SLK: variants seen among roughly 807,000 people sequenced by gnomAD.
SLK encodes the protein STE20-like serine/threonine-protein kinase.
SLK carries 67 observed loss-of-function variants against 147.7 expected under a neutral mutation model. The observed-to-expected ratio is 0.45, with a 90% CI of 0.37 to 0.56. The LOEUF (loss-of-function observed/expected upper bound fraction) is 0.56. Among genes scored for constraint, SLK ranks in the 20% least tolerant of loss-of-function variants. SLK has a pLI of 0.00. For missense variants in SLK, 1,136 were observed against 1,438.8 expected, an observed-to-expected ratio of 0.79 and a Z score of 3.41; for synonymous variants, 441 against 475.0, an observed-to-expected ratio of 0.93 and a Z score of 0.93.
chr10:104,014,827 A>C (rs1293750984), intron 13 of SLK, among the ~76,000 whole-genome samples: 1 of 152,162 alleles, frequency 6.6e-6, no homozygotes, highest in African/African-American at 2.4e-5. Flanking sequence ...TTACTTTAAA[A>C]AATGATTTTT....
At chr10:103,989,508 A>G (rs1052734577) in intron 1 of SLK, among the ~76,000 whole-genome samples, 12 of 119,858 alleles carry the variant, frequency 1.0e-4, no homozygotes, top group African/African-American at 4.1e-4. Context: ...TTGCTCTGTC[A>G]CCCAGACTGG....
At chr10:103,990,651 C>T (rs1411480952) in intron 1 of SLK, 24 bp from the exon 2 acceptor site, 3 of 1,450,150 alleles carry the variant, frequency 2.1e-6, no homozygotes, top group Non-Finnish European at 2.8e-6. Context: ...TGAAATGTGA[C>T]ACTTCTGATA....
At position 104,028,943 on chromosome 10, in the gene SLK, C is replaced by T. The variant is rs1844632383; in HGVS notation, c.*3223C>T. The T allele has an allele frequency of 6.6e-6, 1 of 152,134 alleles. No individual in the cohort carries two copies. The highest frequency in any genetic ancestry group is 2.4e-5 in the African/African-American group (1 of 41,420). 9.4% of individuals were successfully genotyped at this position (152,134 alleles called of 1,614,324 possible). A position where few individuals can be genotyped will look rare whatever the true frequency, so the allele number is the denominator to read the frequency against. On this transcript the variant is annotated 3_prime_UTR_variant, in exon 19 of 19. Transcript: ENST00000369755. ...ATGGGGTGATTCTTTAAATGCTTTT[C>T]TTAAGTTGAAGGCACAACAGTTAAT...
At chr10:104,007,037 T>C (rs1235073084) in intron 11 of SLK, among the ~76,000 whole-genome samples, 2 of 152,176 alleles carry the variant, frequency 1.3e-5, no homozygotes, top group African/African-American at 2.4e-5. Flanking sequence ...AGTAGATTTA[T>C]AATTCCAAAA....
intron 13 of SLK, among the ~76,000 whole-genome samples, chr10:104,011,686 G>A (rs1043547800): frequency 6.6e-6 from 1 of 151,566 alleles, no homozygotes; most frequent in Non-Finnish European, 1.5e-5. Flanking sequence ...TCAGCCTCCC[G>A]AGTAGCTGGG....
chr10:103,998,978 A>G lies in SLK; in HGVS notation c.587+7A>G. 2.5e-6 allele frequency: 4 copies of G among 1,596,496 alleles called. No individual in the cohort carries two copies. The highest frequency in any genetic ancestry group is 3.4e-6 in the Non-Finnish European group (4 of 1,165,558). On this transcript the variant is annotated splice_region_variant and intron_variant, in intron 5 of 18. Transcript: ENST00000369755. ...TTATTGGTACACCATATTGGTATGT[A>G]TTCAGTTTTATGAATTTATAGTATT...
intron 13 of SLK, among the ~76,000 whole-genome samples, chr10:104,015,258 G>A (rs938166372): frequency 6.6e-6 from 1 of 152,110 alleles, no homozygotes; most frequent in African/African-American, 2.4e-5. Context: ...TGTATACACT[G>A]GACTTATATC....
At chr10:103,980,285 AT>A (rs1053358421) in intron 1 of SLK, among the ~76,000 whole-genome samples, 1 of 152,222 alleles carries the variant, frequency 6.6e-6, no homozygotes, top group African/African-American at 2.4e-5. Flanking sequence ...TTATTTTTCA[AT>A]TTTTTAATTG....
intron 1 of SLK, among the ~76,000 whole-genome samples, chr10:103,969,222 G>T (rs2134435765): frequency 6.6e-6 from 1 of 152,268 alleles, no homozygotes; most frequent in East Asian, 1.9e-4. Context: ...GCCCGCCTCG[G>T]CCTCCCAAAG....
intron 3 of SLK, 91 bp downstream of exon 3, chr10:103,992,737 GTAA>G: frequency 1.6e-6 from 2 of 1,249,160 alleles, no homozygotes; most frequent in Non-Finnish European, 2.2e-6. Flanking sequence ...ATTCAAATAT[GTAA>G]GTATCGAGTA....
At chr10:104,017,810 T>G (rs189220453) in intron 13 of SLK, among the ~76,000 whole-genome samples, 57 of 152,340 alleles carry the variant, frequency 3.7e-4, no homozygotes, top group Non-Finnish European at 7.5e-4. Context: ...TATCCTTGTT[T>G]TAGTCACACC....
chr10:103,967,749 T>A lies in SLK; in HGVS notation c.4T>A (p.Ser2Thr). The change falls in exon 1 of 19, where the codon TCC (serine) becomes ACC (threonine). Residue 2 changes from serine to threonine, a missense_variant. By Grantham distance (58) the Ser-to-Thr change is moderately conservative (BLOSUM62 1). Coordinates refer to ENST00000369755, the MANE Select transcript of SLK (RefSeq NM_014720.4). ...GAACTCTGTGTTGGGAGGAAAAATG[T>A]CCTTCTTCAATTTCCGTAAGATCTT... M[S>T]FFNFRKIFKL... 6.2e-7 allele frequency: 1 copy of A among 1,614,052 alleles called. No homozygotes were observed. The highest frequency in any genetic ancestry group is 8.5e-7 in the Non-Finnish European group (1 of 1,179,906).
chr10:103,983,580 A>G (rs1246123721), intron 1 of SLK, among the ~76,000 whole-genome samples: 2 of 152,066 alleles, frequency 1.3e-5, no homozygotes, highest in African/African-American at 4.8e-5. Flanking sequence ...GGCTGCAAGG[A>G]GAAGGAGGAA....
chr10:103,973,181 A>G (rs1843816523), intron 1 of SLK, among the ~76,000 whole-genome samples: 1 of 152,248 alleles, frequency 6.6e-6, no homozygotes. Context: ...AATTAGATCT[A>G]TAATCTACCT....
intron 4 of SLK, among the ~76,000 whole-genome samples, chr10:103,995,423 C>CTTTTTTTTTTTTTTTTTTTTTTTTT (rs756975426): frequency 2.4e-4 from 16 of 67,702 alleles, no homozygotes; most frequent in Non-Finnish European, 3.9e-4. Context: ...TCTTTCTTTT[C>CTTTTTTTTTTTTTTTTTTTTTTTTT]TTTTTTTTTT....
At chr10:104,013,699 A>G (rs1844427120) in intron 13 of SLK, among the ~76,000 whole-genome samples, 1 of 152,202 alleles carries the variant, frequency 6.6e-6, no homozygotes, top group African/African-American at 2.4e-5. Context: ...GCCCAAATGC[A>G]GGACGTAAGT....
intron 18 of SLK, among the ~76,000 whole-genome samples, chr10:104,022,335 G>A (rs1457104932): frequency 6.6e-6 from 1 of 152,112 alleles, no homozygotes; most frequent in Non-Finnish European, 1.5e-5. Flanking sequence ...GTAAAATAGG[G>A]ATGGTGTCTT....
chr10:103,998,847 A>G (rs1365589215), intron 4 of SLK, 52 bp from the exon 5 acceptor site: 2 of 1,318,014 alleles, frequency 1.5e-6, no homozygotes, highest in Non-Finnish European at 2.2e-6. Context: ...CATTGAATAC[A>G]ATGAACAATG....
chr10:103,972,348 A>G (rs7090370), intron 1 of SLK, among the ~76,000 whole-genome samples: 1,962 of 152,256 alleles, frequency 0.013, 41 homozygotes, highest in African/African-American at 0.045. Flanking sequence ...AACTAATTAT[A>G]CAAGTTTACA....
Sources: allele counts gnomAD v4.1 joint callset (sites outside exome capture counted in the v4.1 genomes callset), GRCh38; gene constraint gnomAD v4.1.1; transcripts MANE v1.5; gene names NCBI Gene and HGNC (gene_info 2026-07-23, HGNC 2026-07-21).